The following TCP11L1 variants were observed in gnomAD, a reference collection of about 807,000 sequenced individuals.
TCP11L1 encodes T-complex protein 11-like protein 1.
TCP11L1 carries 28 observed loss-of-function variants against 48.9 expected under a neutral mutation model. The observed-to-expected ratio is 0.57, with a 90% CI of 0.42 to 0.78. The LOEUF (loss-of-function observed/expected upper bound fraction) is 0.78, where lower values mean the gene tolerates loss of function less well. Ranked by LOEUF, TCP11L1 falls within the 30% of genes least tolerant of loss-of-function variation. The pLI, the probability that TCP11L1 is intolerant of heterozygous loss-of-function variation, is 0.00. For synonymous variants in TCP11L1, 204 were observed against 231.9 expected (o/e 0.88, Z 1.09); for missense variants, 505 against 613.4 (o/e 0.82, Z 1.87).
intron 7 of TCP11L1, among the ~76,000 whole-genome samples, chr11:33,064,449 T>C (rs1854553514): frequency 1.3e-5 from 2 of 152,294 alleles, no homozygotes; most frequent in East Asian, 3.9e-4. Flanking sequence ...TTAGAGTCCA[T>C]TCGATGAGCC....
At chr11:33,051,789 T>G (rs1242814950) in intron 2 of TCP11L1, among the ~76,000 whole-genome samples, 1 of 152,210 alleles carries the variant, frequency 6.6e-6, no homozygotes, top group African/African-American at 2.4e-5. Context: ...TGTGTGTATA[T>G]TAGTCTATTT....
At chr11:33,070,633 C>T (rs186687965) in intron 9 of TCP11L1, among the ~76,000 whole-genome samples, 2 of 145,646 alleles carry the variant, frequency 1.4e-5, no homozygotes, top group East Asian at 2.0e-4. Context: ...TGTGGTGAGC[C>T]GAGATTGTGC....
In TCP11L1 at chr11:33,057,267, T is replaced by C. The variant is rs184070782; in HGVS notation, c.417+32T>C. On this transcript the variant is annotated intron_variant, in intron 4 of 9. Transcript: ENST00000334274. Reference sequence around the variant, plus strand: ...CAAAGAGTGAATTGTGATGCTTTTCTGGTGTGTTAGGAGTGTTTATTCAAC... The same window carrying C: ...CAAAGAGTGAATTGTGATGCTTTTCCGGTGTGTTAGGAGTGTTTATTCAAC... The C allele has an allele frequency of 2.7e-4, 438 of 1,614,070 alleles. 5 individuals carry two copies. The East Asian group carries it at 4.7e-3, about 17-fold the overall frequency.
chr11:33,050,877 G>T lies in TCP11L1; in HGVS notation c.164-3716G>T, dbSNP rs1854141132. ...CACCTATGCTGGAGTGCTGTGGCGGGGTCATGGCTCACTGCAACTTCTGCC... is the reference window on the plus strand; with the variant it reads ...CACCTATGCTGGAGTGCTGTGGCGGTGTCATGGCTCACTGCAACTTCTGCC... On this transcript the variant is annotated intron_variant, in intron 2 of 9. Transcript: ENST00000334274. 2.6e-5 allele frequency among the ~76,000 whole-genome samples: 4 copies of T among 151,614 alleles called. No homozygotes were observed. The South Asian group carries it at 8.3e-4, about 32-fold the overall frequency.
chr11:33,066,186 A>G (rs926744669), intron 8 of TCP11L1, among the ~76,000 whole-genome samples, 175 bp downstream of exon 8: 1 of 152,122 alleles, frequency 6.6e-6, no homozygotes, highest in African/African-American at 2.4e-5. Flanking sequence ...GAGTTTATTT[A>G]GGGTCATAGG....
At chr11:33,054,755 G>A in intron 3 of TCP11L1, 30 bp downstream of exon 3, 1 of 1,587,780 alleles carries the variant, frequency 6.3e-7, no homozygotes. Flanking sequence ...ATCTTGCTTA[G>A]TAGAACACTG....
chr11:33,066,440 C>T (rs1324957549), intron 8 of TCP11L1, among the ~76,000 whole-genome samples: 3 of 152,060 alleles, frequency 2.0e-5, no homozygotes, highest in South Asian at 2.1e-4. Flanking sequence ...ATTTAGGAGG[C>T]GAGAGAAGAA....
At position 33,043,791 on chromosome 11, in the gene TCP11L1, C is replaced by G; in HGVS notation, c.18C>G (p.Asp6Glu). The G allele has an allele frequency of 2.5e-6, 4 of 1,608,994 alleles. No individual in the cohort carries two copies. Among genetic ancestry groups the G allele is most frequent in the Non-Finnish European group, 3.4e-6 (4 of 1,178,546 alleles). MSENL[D>E]KSNVNEAGKS... Reference sequence around the variant, plus strand: ...AATTGAGAATGTCTGAAAACCTTGACAAGTCCAATGTAAATGAAGCAGGAA... The same window carrying G: ...AATTGAGAATGTCTGAAAACCTTGAGAAGTCCAATGTAAATGAAGCAGGAA... The change falls in exon 2 of 10, where the codon GAC becomes GAG. Residue 6 changes from aspartate (D) to glutamate (E), a missense_variant. Physicochemically the swap from Asp to Glu is conservative, Grantham distance 45. Coordinates refer to ENST00000334274, the MANE Select transcript of TCP11L1 (RefSeq NM_018393.4).
intron 7 of TCP11L1, among the ~76,000 whole-genome samples, chr11:33,062,466 C>T (rs544221895): frequency 6.6e-6 from 1 of 152,288 alleles, no homozygotes; most frequent in South Asian, 2.1e-4. Flanking sequence ...TAGTTTAGTC[C>T]TCTTTTCCAC....
At chr11:33,051,630 A>G (rs1427915054) in intron 2 of TCP11L1, among the ~76,000 whole-genome samples, 1 of 151,972 alleles carries the variant, frequency 6.6e-6, no homozygotes, top group Admixed American at 6.6e-5. Context: ...CTGGGCTTAA[A>G]TGATTTTTAG....
chr11:33,056,289 T>G (rs1253879819), intron 3 of TCP11L1, among the ~76,000 whole-genome samples: 2 of 151,996 alleles, frequency 1.3e-5, no homozygotes, highest in Non-Finnish European at 2.9e-5. Context: ...TTTTGTATTT[T>G]TAGTAGAGAT....
chr11:33,059,993 C>T (rs1476958980), intron 6 of TCP11L1, among the ~76,000 whole-genome samples: 1 of 151,932 alleles, frequency 6.6e-6, no homozygotes, highest in Non-Finnish European at 1.5e-5. Flanking sequence ...TTTTTTAATC[C>T]CATTTTACAG....
intron 2 of TCP11L1, among the ~76,000 whole-genome samples, chr11:33,047,306 T>G (rs1423405518): frequency 6.6e-6 from 1 of 152,152 alleles, no homozygotes; most frequent in African/African-American, 2.4e-5. Context: ...TTATTGGTAC[T>G]GATTTGAGGT....
chr11:33,061,825 A>G, intron 7 of TCP11L1, 99 bp downstream of exon 7: 1 of 1,254,998 alleles, frequency 8.0e-7, no homozygotes, highest in South Asian at 1.9e-5. Flanking sequence ...TCACTCCTGT[A>G]ATCCCAGCAC....
Position 33,057,906 on chromosome 11 carries a change from T to C in TCP11L1, c.418-13T>C. The C allele has an allele frequency of 6.3e-7, 1 of 1,596,766 alleles. No individual in the cohort carries two copies. The highest frequency in any genetic ancestry group is 8.5e-7 in the Non-Finnish European group (1 of 1,173,818). On this transcript the variant is annotated splice_polypyrimidine_tract_variant and intron_variant, in intron 4 of 9. Transcript: ENST00000334274. ...AAAGAATTTTGATTAAACGTAGCTGTGTTCTCTTGTAGACTCTCTTATCTT... is the reference window on the plus strand; with the variant it reads ...AAAGAATTTTGATTAAACGTAGCTGCGTTCTCTTGTAGACTCTCTTATCTT...
chr11:33,063,999 C>T (rs1854538795), intron 7 of TCP11L1, among the ~76,000 whole-genome samples: 2 of 152,078 alleles, frequency 1.3e-5, no homozygotes, highest in Non-Finnish European at 2.9e-5. Context: ...TTTTCCCCAC[C>T]GCTGATCATC....
intron 4 of TCP11L1, 72 bp from the exon 5 acceptor site, chr11:33,057,847 A>G: frequency 7.8e-7 from 1 of 1,286,260 alleles, no homozygotes; most frequent in African/African-American, 1.5e-5. Context: ...TTATTTGGAT[A>G]GTTATAAATT....
At chr11:33,072,421 G>A in intron 9 of TCP11L1, 53 bp from the exon 10 acceptor site, 5 of 1,594,732 alleles carry the variant, frequency 3.1e-6, no homozygotes, top group Non-Finnish European at 3.4e-6. Context: ...AGCACAGTAA[G>A]GTTTGTAAGG....
At chr11:33,046,960 T>TG (rs5790914) in intron 2 of TCP11L1, among the ~76,000 whole-genome samples, 44,761 of 152,088 alleles carry the variant, frequency 0.29, 6,964 homozygotes, top group East Asian at 0.41. Context: ...CATTGGCTCA[T>TG]GCCTATAAGC....
Sources: allele counts gnomAD v4.1 joint callset (sites outside exome capture counted in the v4.1 genomes callset), GRCh38; gene constraint gnomAD v4.1.1; transcripts MANE v1.5; gene names NCBI Gene and HGNC (gene_info 2026-07-23, HGNC 2026-07-21).